NTMT2: variants seen among roughly 807,000 people sequenced by gnomAD.
NTMT2 encodes the protein X-Pro-Lys N-terminal protein methyltransferase 1B.
NTMT2 carries 21 observed loss-of-function variants against 23.4 expected under a neutral mutation model. The ratio of observed to expected loss-of-function variants is 0.90; its 90% CI spans 0.64 to 1.29. NTMT2 has a LOEUF of 1.29. Ranked by LOEUF, NTMT2 falls within the 50% of genes most tolerant of loss-of-function variation. NTMT2 has a pLI of 0.00. For synonymous variants in NTMT2, 131 were observed against 127.7 expected (o/e 1.03, Z -0.17); for missense variants, 336 against 352.0 (o/e 0.95, Z 0.36).
Position 170,164,695 on chromosome 1 carries a change from G to C in NTMT2, c.331-1807G>C, listed in dbSNP as rs1673338068. Among the ~76,000 whole-genome samples the C allele has an allele frequency of 2.0e-5, 3 of 152,122 alleles. No individual in the cohort carries two copies. In the South Asian group the frequency reaches 6.2e-4, roughly 32 times the overall value. On this transcript the variant is annotated intron_variant, in intron 2 of 3. Transcript: ENST00000439373. ...TATAATTCTTTTTAACATAGCATTA[G>C]ACAGATATTACCAAGGGAATCAGAG...
Position 170,167,400 on chromosome 1 carries a change from G to C in NTMT2, c.581-86G>C, listed in dbSNP as rs1029190911. On this transcript the variant is annotated intron_variant, in intron 3 of 3. Coordinates refer to ENST00000439373, the MANE Select transcript of NTMT2 (RefSeq NM_001136107.2). Reference sequence around the variant, plus strand: ...TGAATGAGTGAACAAATGGTCTCCTGATTCTTAGCCATGTTCTTCCCTACT... The same window carrying C: ...TGAATGAGTGAACAAATGGTCTCCTCATTCTTAGCCATGTTCTTCCCTACT... The C allele has an allele frequency of 3.2e-6, 4 of 1,232,416 alleles. No homozygotes were observed. The African/African-American group carries it at 4.6e-5, about 14-fold the overall frequency. 76.3% of individuals were successfully genotyped at this position (1,232,416 alleles called of 1,614,324 possible).
At chr1:170,162,109 C>T (rs1218703381) in intron 2 of NTMT2, among the ~76,000 whole-genome samples, 1 of 152,070 alleles carries the variant, frequency 6.6e-6, no homozygotes, top group African/African-American at 2.4e-5. Flanking sequence ...AACACACAAA[C>T]AAACAAACAA....
chr1:170,148,142 CT>C (rs371620511), intron 1 of NTMT2, among the ~76,000 whole-genome samples: 8 of 74,566 alleles, frequency 1.1e-4, no homozygotes, highest in Middle Eastern at 0.019. Context: ...TGAGGCACTC[CT>C]TTTTTTTTTT....
intron 2 of NTMT2, among the ~76,000 whole-genome samples, chr1:170,162,747 G>C (rs1281295575): frequency 6.6e-6 from 1 of 152,226 alleles, no homozygotes; most frequent in East Asian, 1.9e-4. Context: ...CAGCTGGTAA[G>C]AGACAGAACA....
At chr1:170,159,516 A>G (rs1673231279) in intron 1 of NTMT2, among the ~76,000 whole-genome samples, 1 of 145,996 alleles carries the variant, frequency 6.8e-6, no homozygotes, top group Non-Finnish European at 1.5e-5. Context: ...ACTCTTGCAA[A>G]TATTTTGGCC....
At chr1:170,163,081 A>G (rs1048907298) in intron 2 of NTMT2, among the ~76,000 whole-genome samples, 5 of 152,110 alleles carry the variant, frequency 3.3e-5, no homozygotes, top group African/African-American at 9.7e-5. Context: ...CAGAGCCCAT[A>G]AGCACGCCCA....
intron 2 of NTMT2, among the ~76,000 whole-genome samples, chr1:170,165,351 C>T (rs1673358923): frequency 6.6e-6 from 1 of 151,988 alleles, no homozygotes; most frequent in Admixed American, 6.5e-5. Context: ...CACAGACCTA[C>T]TTAAAAAAAC....
chr1:170,146,195 C>A lies in NTMT2; in HGVS notation c.88C>A (p.Leu30Ile). 1 of 1,551,174 alleles carries A rather than the reference C, an allele frequency of 6.4e-7. No individual in the cohort carries two copies. Reference sequence around the variant, plus strand: ...CTGTAGACATAGCATGTCTTTTATCCTTCACAAAGCCATTCGCAATGACTT... The same window carrying A: ...CTGTAGACATAGCATGTCTTTTATCATTCACAAAGCCATTCGCAATGACTT... ...ELCRHSMSFILHKAIRNDFFQ... is the reference protein window; with the variant it reads ...ELCRHSMSFIIHKAIRNDFFQ... The change falls in exon 1 of 4, where the codon CTT becomes ATT. Residue 30 changes from leucine to isoleucine, a missense_variant. Transcript: ENST00000439373.
intron 1 of NTMT2, among the ~76,000 whole-genome samples, chr1:170,155,341 G>A (rs1021958147): frequency 6.6e-6 from 1 of 152,026 alleles, no homozygotes; most frequent in African/African-American, 2.4e-5. Flanking sequence ...ATCCAGGAAT[G>A]TCTTACTCCA....
At chr1:170,158,420 T>G (rs1673205825) in intron 1 of NTMT2, among the ~76,000 whole-genome samples, 1 of 152,076 alleles carries the variant, frequency 6.6e-6, no homozygotes, top group Non-Finnish European at 1.5e-5. Flanking sequence ...ATATGTGTGT[T>G]GTGTATTTTT....
chr1:170,167,546 A>G lies in NTMT2; in HGVS notation c.641A>G (p.Glu214Gly). 1 of 1,551,732 alleles carries G rather than the reference A, an allele frequency of 6.4e-7. No homozygotes were observed. Among genetic ancestry groups the G allele is most frequent in the Non-Finnish European group, 8.7e-7 (1 of 1,146,996 alleles). ...FLSRCRDGLK[E>G]NGIIILKDNV... ...TCCCGGTGCCGAGATGGCCTGAAAG[A>G]AAATGGCATCATCATATTGAAGGAC... Residue 214 changes from glutamate to glycine, a missense_variant, in exon 4 of 4, where the codon GAA becomes GGA. By Grantham distance (98) the Glu-to-Gly change is moderately conservative. Coordinates refer to ENST00000439373, the MANE Select transcript of NTMT2 (RefSeq NM_001136107.2).
intron 1 of NTMT2, among the ~76,000 whole-genome samples, chr1:170,149,937 A>G (rs1673035900): frequency 6.6e-6 from 1 of 152,230 alleles, no homozygotes; most frequent in African/African-American, 2.4e-5. Flanking sequence ...CAGTTTGGAA[A>G]TAAAACTTAG....
At chr1:170,163,149 C>A (rs965838067) in intron 2 of NTMT2, among the ~76,000 whole-genome samples, 3 of 152,136 alleles carry the variant, frequency 2.0e-5, no homozygotes, top group Non-Finnish European at 4.4e-5. Flanking sequence ...AAAGAGGCAG[C>A]CTGCTCCTTT....
Position 170,168,131 on chromosome 1 carries a change from G to GTT in NTMT2, c.*383_*384dup, listed in dbSNP as rs11385158. Among the ~76,000 whole-genome samples the GTT allele has an allele frequency of 0.029, 4,224 of 146,048 alleles. 84 individuals are homozygous for GTT. Among genetic ancestry groups the GTT allele is most frequent in the Non-Finnish European group, 0.045 (2,998 of 66,438 alleles). On this transcript the variant is annotated 3_prime_UTR_variant, in exon 4 of 4. Transcript: ENST00000439373. ...CACAACATCCTAGACAAAAATGGTG[G>GTT]TTTTTTTTTTGTTTTTCCATCACAA...
At chr1:170,163,645 T>A (rs1673316996) in intron 2 of NTMT2, among the ~76,000 whole-genome samples, 1 of 152,212 alleles carries the variant, frequency 6.6e-6, no homozygotes, top group South Asian at 2.1e-4. Flanking sequence ...TACTAACTTG[T>A]TATATTTTAT....
At chr1:170,148,142 CTTTTTTTTTT>C (rs371620511) in intron 1 of NTMT2, among the ~76,000 whole-genome samples, 1 of 74,546 alleles carries the variant, frequency 1.3e-5, no homozygotes, top group Non-Finnish European at 2.3e-5. Flanking sequence ...TGAGGCACTC[CTTTTTTTTTT>C]TTTTTTTTTT....
intron 1 of NTMT2, among the ~76,000 whole-genome samples, chr1:170,154,452 T>A (rs1286483336): frequency 6.6e-6 from 1 of 152,158 alleles, no homozygotes; most frequent in African/African-American, 2.4e-5. Context: ...GCCCAAGACC[T>A]TGGAAGTCCA....
At chr1:170,151,988 T>C (rs1673078856) in intron 1 of NTMT2, among the ~76,000 whole-genome samples, 1 of 152,220 alleles carries the variant, frequency 6.6e-6, no homozygotes, top group Non-Finnish European at 1.5e-5. Context: ...TCATAAATGA[T>C]ACCAAAGGTA....
At chr1:170,152,974 G>A (rs1316408111) in intron 1 of NTMT2, among the ~76,000 whole-genome samples, 1 of 152,142 alleles carries the variant, frequency 6.6e-6, no homozygotes, top group African/African-American at 2.4e-5. Context: ...CCTTGGTGTT[G>A]TCCTTAAAAT....
Sources: allele counts gnomAD v4.1 joint callset (sites outside exome capture counted in the v4.1 genomes callset), GRCh38; gene constraint gnomAD v4.1.1; transcripts MANE v1.5; gene names NCBI Gene and HGNC (gene_info 2026-07-23, HGNC 2026-07-21).